The following PTPRG variants were observed in gnomAD, a reference collection of about 807,000 sequenced individuals.
The protein encoded by PTPRG is protein tyrosine phosphatase receptor type G.
In PTPRG, 102 loss-of-function variants were observed where a neutral mutation model predicts 165.3. That is an observed-to-expected ratio of 0.62 (90% CI 0.53 to 0.73). The LOEUF (loss-of-function observed/expected upper bound fraction) is 0.73. PTPRG is among the 30% of genes least tolerant of loss of function. The pLI, the probability that PTPRG is intolerant of heterozygous loss-of-function variation, is 0.00. For missense variants in PTPRG, 1,866 were observed against 1,861.4 expected (o/e 1.00, Z -0.05); for synonymous variants, 675 against 669.5 (o/e 1.01, Z -0.13).
chr3:62,267,841 A>G (rs745856634), intron 19 of PTPRG, 22 bp downstream of exon 19: 9 of 1,606,640 alleles, frequency 5.6e-6, no homozygotes, highest in South Asian at 5.6e-5. Flanking sequence ...TTGACTCACT[A>G]TCTTAATAAT....
At chr3:61,722,423 C>G (rs1019742087) in intron 1 of PTPRG, among the ~76,000 whole-genome samples, 3 of 152,112 alleles carry the variant, frequency 2.0e-5, no homozygotes, top group South Asian at 2.1e-4. Flanking sequence ...CAAATTATAG[C>G]AAAGTTTGCA....
chr3:62,017,069 G>A (rs1443938600), intron 4 of PTPRG, among the ~76,000 whole-genome samples: 1 of 152,100 alleles, frequency 6.6e-6, no homozygotes, highest in East Asian at 1.9e-4. Flanking sequence ...TTAGAGGAGG[G>A]GATCAGAGGA....
intron 28 of PTPRG, among the ~76,000 whole-genome samples, chr3:62,283,685 GCATAAAGTATTAATA>G (rs1702533657): frequency 6.6e-6 from 1 of 152,062 alleles, no homozygotes; most frequent in South Asian, 2.1e-4. Flanking sequence ...TACCCAAGTA[GCATAAAGTATTAATA>G]AATTTGAAAG....
At chr3:61,714,762 T>C (rs1365415101) in intron 1 of PTPRG, among the ~76,000 whole-genome samples, 1 of 152,194 alleles carries the variant, frequency 6.6e-6, no homozygotes, top group Non-Finnish European at 1.5e-5. Context: ...GCCTTGATAC[T>C]GTGAAATGTC....
At chr3:62,121,584 T>C (rs1171221530) in intron 5 of PTPRG, among the ~76,000 whole-genome samples, 1 of 152,192 alleles carries the variant, frequency 6.6e-6, no homozygotes, top group Admixed American at 6.5e-5. Context: ...CGTGTTCACC[T>C]ACAGGGGATC....
intron 2 of PTPRG, among the ~76,000 whole-genome samples, chr3:61,893,603 A>G (rs776507275): frequency 8.7e-4 from 133 of 152,284 alleles, no homozygotes; most frequent in Non-Finnish European, 1.6e-3. Context: ...TTTTTTTGGT[A>G]AGACAGGTTT....
At chr3:62,092,080 ACACACACACACACACACACACAC>A (rs1701953106) in intron 5 of PTPRG, among the ~76,000 whole-genome samples, 1 of 4,820 alleles carries the variant, frequency 2.1e-4, no homozygotes, top group South Asian at 7.2e-3. Flanking sequence ...ACACACACAC[ACACACACACACACACACACACAC>A]ACACACACAC....
intron 15 of PTPRG, among the ~76,000 whole-genome samples, chr3:62,249,887 A>AAGAACCCAGG (rs1701372693): frequency 6.6e-6 from 1 of 152,186 alleles, no homozygotes; most frequent in Non-Finnish European, 1.5e-5. Context: ...CAGGCTTTGG[A>AAGAACCCAGG]GTCTGCCTGG....
chr3:61,923,360 G>A (rs1486071116), intron 2 of PTPRG, among the ~76,000 whole-genome samples: 1 of 152,084 alleles, frequency 6.6e-6, no homozygotes, highest in Non-Finnish European at 1.5e-5. Flanking sequence ...CTTGCTCCGT[G>A]AAATCGCCAG....
In PTPRG at chr3:62,121,213, A is replaced by G. The variant is rs552649574; in HGVS notation, c.616-11389A>G. ...CGTGATCCACCCGTCTCGGCCTCCC[A>G]AAGTGCTGGGATTACAGGCGTGAGC... On this transcript the variant is annotated intron_variant, in intron 5 of 29. Coordinates refer to ENST00000474889, the MANE Select transcript of PTPRG (RefSeq NM_002841.4). 1.5e-4 allele frequency among the ~76,000 whole-genome samples: 23 copies of G among 151,096 alleles called. No homozygotes were observed. In the South Asian group the frequency reaches 3.8e-3, roughly 25 times the overall value.
chr3:61,850,273 C>T (rs1348926235), intron 2 of PTPRG, among the ~76,000 whole-genome samples: 1 of 152,018 alleles, frequency 6.6e-6, no homozygotes, highest in African/African-American at 2.4e-5. Flanking sequence ...AGCGATTCTC[C>T]CTGCCTCAGC....
At chr3:62,068,803 C>G (rs1027175456) in intron 4 of PTPRG, among the ~76,000 whole-genome samples, 1 of 152,104 alleles carries the variant, frequency 6.6e-6, no homozygotes, top group Non-Finnish European at 1.5e-5. Flanking sequence ...TTCTACTGCC[C>G]CAAAACTTGG....
chr3:61,608,402 A>G (rs1701072844), intron 1 of PTPRG, among the ~76,000 whole-genome samples: 2 of 152,140 alleles, frequency 1.3e-5, no homozygotes, highest in South Asian at 2.1e-4. Flanking sequence ...CACGTGTGTA[A>G]TGGAATTGGG....
chr3:61,597,472 T>C (rs1700732250), intron 1 of PTPRG, among the ~76,000 whole-genome samples: 1 of 152,214 alleles, frequency 6.6e-6, no homozygotes, highest in Non-Finnish European at 1.5e-5. Context: ...AAATAAATGG[T>C]ATAGAACATT....
At chr3:62,054,751 T>C (rs944849251) in intron 4 of PTPRG, among the ~76,000 whole-genome samples, 2 of 152,258 alleles carry the variant, frequency 1.3e-5, no homozygotes, top group African/African-American at 2.4e-5. Context: ...TTAAAAGAAC[T>C]GCATTGTTCC....
At position 62,228,248 on chromosome 3, in the gene PTPRG, C is replaced by T. The variant is rs543768233; in HGVS notation, c.2289-2977C>T. 2.8e-3 allele frequency among the ~76,000 whole-genome samples: 421 copies of T among 152,080 alleles called. 4 individuals carry two copies. The highest frequency in any genetic ancestry group is 4.9e-3 in the Non-Finnish European group (333 of 67,994). On this transcript the variant is annotated intron_variant, in intron 13 of 29. Transcript: ENST00000474889. The surrounding 1 kb of genome is among the most constrained non-coding windows in gnomAD (Gnocchi z 4.1). Reference sequence around the variant, plus strand: ...CAAAACAAAGAAAAAGGAGGCTGGGCGCGGTGGCTCATGCCTGTCATCTCA... The same window carrying T: ...CAAAACAAAGAAAAAGGAGGCTGGGTGCGGTGGCTCATGCCTGTCATCTCA...
chr3:62,077,246 C>A (rs1434576316), intron 4 of PTPRG, among the ~76,000 whole-genome samples: 1 of 150,790 alleles, frequency 6.6e-6, no homozygotes, highest in East Asian at 2.0e-4. Context: ...CAGCCTCGGC[C>A]ACAGAGTGAG....
intron 9 of PTPRG, among the ~76,000 whole-genome samples, chr3:62,193,763 C>G (rs1699895468): frequency 2.6e-5 from 4 of 152,202 alleles, no homozygotes. Flanking sequence ...CATTTTAATA[C>G]CAGTTCAGAG....
intron 15 of PTPRG, among the ~76,000 whole-genome samples, chr3:62,248,290 G>A (rs76195648): frequency 0.049 from 7,464 of 152,202 alleles, 244 homozygotes; most frequent in Non-Finnish European, 0.069. Context: ...GGAGAGATAC[G>A]TTAAACTGTG....
Sources: allele counts gnomAD v4.1 joint callset (sites outside exome capture counted in the v4.1 genomes callset), GRCh38; gene constraint gnomAD v4.1.1; non-coding constraint Gnocchi (gnomAD v3.1); transcripts MANE v1.5; gene names NCBI Gene and HGNC (gene_info 2026-07-23, HGNC 2026-07-21).